The following RBFOX1 variants were observed in gnomAD, a reference collection of about 807,000 sequenced individuals.
RBFOX1 encodes the protein RNA binding protein fox-1 homolog 1.
A neutral mutation model predicts 57.7 loss-of-function variants in RBFOX1; 8 were observed. The ratio of observed to expected loss-of-function variants is 0.14; its 90% CI spans 0.08 to 0.25. The LOEUF (loss-of-function observed/expected upper bound fraction) is 0.25. Among genes scored for constraint, RBFOX1 ranks in the 10% least tolerant of loss-of-function variants. The pLI is 1.00. For synonymous variants in RBFOX1, 326 were observed against 222.4 expected, an observed-to-expected ratio of 1.47 and a Z score of -4.15; for missense variants, 611 against 548.5, an observed-to-expected ratio of 1.11 and a Z score of -1.14.
At chr16:5,506,913 G>A (rs1209854489) in intron 2 of RBFOX1, among the ~76,000 whole-genome samples, 3 of 151,902 alleles carry the variant, frequency 2.0e-5, no homozygotes, top group Non-Finnish European at 1.5e-5. Context: ...ACTCCAATCT[G>A]GAGTCCCCCC....
intron 2 of RBFOX1, among the ~76,000 whole-genome samples, chr16:6,330,075 T>C (rs2082828580): frequency 6.6e-6 from 1 of 152,214 alleles, no homozygotes; most frequent in East Asian, 1.9e-4. Flanking sequence ...CAAAGAAAGA[T>C]GAAGAACATG....
intron 3 of RBFOX1, among the ~76,000 whole-genome samples, chr16:6,996,267 G>A (rs2092230462): frequency 6.6e-6 from 1 of 152,150 alleles, no homozygotes; most frequent in Admixed American, 6.5e-5. Flanking sequence ...TAAATACAAT[G>A]ATATTGAGTA....
At chr16:7,386,216 C>G (rs1053048291) in intron 4 of RBFOX1, among the ~76,000 whole-genome samples, 1 of 152,142 alleles carries the variant, frequency 6.6e-6, no homozygotes, top group Non-Finnish European at 1.5e-5. Context: ...TTCTTTCCTT[C>G]TCACTAAAGT....
chr16:5,493,861 A>G (rs1034747984), intron 2 of RBFOX1, among the ~76,000 whole-genome samples: 2 of 152,232 alleles, frequency 1.3e-5, no homozygotes, highest in Non-Finnish European at 2.9e-5. Context: ...TGTTTCTGCA[A>G]CGGTAGCCAA....
At chr16:5,450,459 C>G (rs62016400) in intron 1 of RBFOX1, among the ~76,000 whole-genome samples, 1 of 151,950 alleles carries the variant, frequency 6.6e-6, no homozygotes, top group Non-Finnish European at 1.5e-5. Context: ...TTCTCTCATG[C>G]TCGAACCCTG....
At chr16:6,494,938 C>T (rs1242472480) in intron 2 of RBFOX1, among the ~76,000 whole-genome samples, 2 of 152,114 alleles carry the variant, frequency 1.3e-5, no homozygotes, top group Admixed American at 6.6e-5. Context: ...ACTCATTTGT[C>T]CTCAGAGCAG....
Position 7,710,780 on chromosome 16 carries a change from GA to G in RBFOX1, c.*38del. On this transcript the variant is annotated 3_prime_UTR_variant, in exon 16 of 16. Coordinates refer to ENST00000550418, the MANE Select transcript of RBFOX1 (RefSeq NM_018723.4). Reference sequence around the variant, plus strand: ...CCATAAAAACCTTCCAATGTGGGGAGAAAGGAAGCTTTCCGAGGCCTGAGTA... The same window carrying G: ...CCATAAAAACCTTCCAATGTGGGGAGAAGGAAGCTTTCCGAGGCCTGAGTA... The G allele has an allele frequency of 6.7e-7, 1 of 1,491,730 alleles. No individual in the cohort carries two copies. The allele number at this position is 1,491,730 out of a possible 1,614,324, so 92.4% of individuals were successfully genotyped here.
At chr16:7,286,337 C>G (rs953565149) in intron 4 of RBFOX1, among the ~76,000 whole-genome samples, 1 of 152,058 alleles carries the variant, frequency 6.6e-6, no homozygotes, top group Non-Finnish European at 1.5e-5. Context: ...TTTGCAGGAT[C>G]CCAAGGGTCT....
At position 6,537,617 on chromosome 16, in the gene RBFOX1, C is replaced by T. The variant is rs139225687; in HGVS notation, c.-63-116986C>T. On this transcript the variant is annotated intron_variant, in intron 2 of 15. Coordinates refer to ENST00000550418, the MANE Select transcript of RBFOX1 (RefSeq NM_018723.4). ...TATCTGTACTGCTCATGGACTGTTG[C>T]CCTGAAATGCAGTTTATTTGTCTGA... Among the ~76,000 whole-genome samples the T allele has an allele frequency of 5.6e-3, 849 of 152,202 alleles. 4 individuals carry two copies. Among genetic ancestry groups the T allele is most frequent in the South Asian group, 0.01 (50 of 4,818 alleles).
intron 4 of RBFOX1, among the ~76,000 whole-genome samples, chr16:7,235,230 G>A (rs941752860): frequency 5.9e-5 from 9 of 152,286 alleles, no homozygotes; most frequent in African/African-American, 2.2e-4. Context: ...ATAGCTCTGG[G>A]ATGAGGATTT....
At chr16:5,817,729 C>T (rs2055693993) in intron 3 of RBFOX1, among the ~76,000 whole-genome samples, 1 of 145,330 alleles carries the variant, frequency 6.9e-6, no homozygotes, top group Admixed American at 6.9e-5. Flanking sequence ...CGGAGTCTTG[C>T]TGTCACCCAG....
chr16:7,364,071 T>G (rs1227857119), intron 4 of RBFOX1, among the ~76,000 whole-genome samples: 1 of 152,244 alleles, frequency 6.6e-6, no homozygotes, highest in Non-Finnish European at 1.5e-5. Flanking sequence ...TCCCAAGTCC[T>G]ATTAAAGCTC....
In RBFOX1 at chr16:6,779,552, T is replaced by A. The variant is rs28863217; in HGVS notation, c.-16+124902T>A. On this transcript the variant is annotated intron_variant, in intron 3 of 15. Coordinates refer to ENST00000550418, the MANE Select transcript of RBFOX1 (RefSeq NM_018723.4). ...ATACCCAACAGTGAGACTGCTAAATTATGTTAGTGTTAGTTTTAGTTTTTT... is the reference window on the plus strand; with the variant it reads ...ATACCCAACAGTGAGACTGCTAAATAATGTTAGTGTTAGTTTTAGTTTTTT... Among the ~76,000 whole-genome samples, 383 of 149,758 alleles carry A rather than the reference T, an allele frequency of 2.6e-3. 3 individuals are homozygous for A. Among genetic ancestry groups the A allele is most frequent in the African/African-American group, 6.2e-3 (254 of 40,796 alleles).
chr16:6,779,304 C>T (rs576159051), intron 3 of RBFOX1, among the ~76,000 whole-genome samples: 40 of 152,132 alleles, frequency 2.6e-4, no homozygotes, highest in African/African-American at 8.2e-4. Context: ...TAGTTGGCAT[C>T]ATGTCCTCCA....
At chr16:5,467,103 A>C in intron 1 of RBFOX1, 2 of 1,235,438 alleles carry the variant, frequency 1.6e-6, no homozygotes, top group Non-Finnish European at 2.2e-6. Context: ...ATGAATGAAT[A>C]AAACATTCTT....
At chr16:7,393,584 T>A (rs1218776971) in intron 4 of RBFOX1, among the ~76,000 whole-genome samples, 2 of 152,114 alleles carry the variant, frequency 1.3e-5, no homozygotes, top group Non-Finnish European at 2.9e-5. Context: ...GGGGTGGTGG[T>A]AATGAATCAG....
intron 1 of RBFOX1, among the ~76,000 whole-genome samples, chr16:5,291,097 T>C (rs4412970): frequency 1.3e-5 from 2 of 152,116 alleles, no homozygotes; most frequent in Non-Finnish European, 2.9e-5. Flanking sequence ...GGCTAGGTCA[T>C]GTAGGGTCTC....
chr16:6,535,133 G>C (rs563056576), intron 2 of RBFOX1, among the ~76,000 whole-genome samples: 1 of 152,338 alleles, frequency 6.6e-6, no homozygotes, highest in African/African-American at 2.4e-5. Flanking sequence ...ACTGCAGTTA[G>C]AGTGGAAAAC....
At chr16:7,460,367 C>CAAAAAA (rs201733820) in intron 4 of RBFOX1, among the ~76,000 whole-genome samples, 1,451 of 46,016 alleles carry the variant, frequency 0.032, 30 homozygotes, top group African/African-American at 0.16. Context: ...AATCATTTAG[C>CAAAAAA]AAAATATATA....
Sources: allele counts gnomAD v4.1 joint callset (sites outside exome capture counted in the v4.1 genomes callset), GRCh38; gene constraint gnomAD v4.1.1; transcripts MANE v1.5; gene names NCBI Gene and HGNC (gene_info 2026-07-23, HGNC 2026-07-21).